ANKRD36: variants seen among roughly 807,000 people sequenced by gnomAD.
ANKRD36 encodes the protein ankyrin repeat domain 36.
In ANKRD36, 179 loss-of-function variants were observed where a neutral mutation model predicts 278.1. That is an observed-to-expected ratio of 0.64 (90% CI 0.57 to 0.73). The LOEUF is 0.73. Ranked by LOEUF, ANKRD36 falls within the 30% of genes least tolerant of loss-of-function variation. The pLI is 0.00. For missense variants in ANKRD36, 1,159 were observed against 1,956.7 expected, an observed-to-expected ratio of 0.59 and a Z score of 7.69; for synonymous variants, 320 against 641.1, an observed-to-expected ratio of 0.50 and a Z score of 7.57.
intron 22 of ANKRD36, among the ~76,000 whole-genome samples, chr2:97,172,243 C>T: frequency 6.6e-6 from 1 of 151,808 alleles, no homozygotes; most frequent in Non-Finnish European, 1.5e-5. Context: ...AAAGTTCAGG[C>T]AGTGCACTTA....
intron 28 of ANKRD36, among the ~76,000 whole-genome samples, chr2:97,184,338 CAT>C (rs1354923533): frequency 6.6e-6 from 1 of 151,600 alleles, no homozygotes; most frequent in Non-Finnish European, 1.5e-5. Context: ...AGGCATCAGA[CAT>C]ATATTTTTTT....
intron 54 of ANKRD36, among the ~76,000 whole-genome samples, chr2:97,209,271 T>C (rs1486794435): frequency 1.4e-5 from 2 of 146,486 alleles, no homozygotes; most frequent in African/African-American, 2.7e-5. Flanking sequence ...AGAATGTTTG[T>C]AGTATAATGG....
chr2:97,229,591 A>C (rs1256808287), intron 67 of ANKRD36, among the ~76,000 whole-genome samples: 6 of 152,090 alleles, frequency 3.9e-5, no homozygotes, highest in Non-Finnish European at 8.8e-5. Context: ...CTCTTTATCC[A>C]ATTTGCCAGT....
intron 54 of ANKRD36, among the ~76,000 whole-genome samples, 178 bp from the exon 55 acceptor site, chr2:97,209,503 G>A (rs1456898541): frequency 1.4e-5 from 2 of 146,104 alleles, no homozygotes; most frequent in Admixed American, 6.8e-5. Context: ...CATGGAGCCT[G>A]TGTTCCCTTT....
rs564949248 is a variant in ANKRD36, at chr2:97,227,254, A to G, written c.3951+2375A>G. Among the ~76,000 whole-genome samples, 491 of 152,230 alleles carry G rather than the reference A, an allele frequency of 3.2e-3. 3 individuals carry two copies. The highest frequency in any genetic ancestry group is 0.011 in the African/African-American group (445 of 41,564). On this transcript the variant is annotated intron_variant, in intron 67 of 75. Transcript: ENST00000420699. ...TTAACCATACTGATTCTTCCTACCC[A>G]TGAGCATGGAATGTTCTTCCATTTG...
chr2:97,135,371 T>G lies in ANKRD36; in HGVS notation c.800-7269T>G, dbSNP rs574031263. Among the ~76,000 whole-genome samples the G allele has an allele frequency of 2.6e-3, 398 of 151,966 alleles. 4 individuals are homozygous for G. Among genetic ancestry groups the G allele is most frequent in the African/African-American group, 8.9e-3 (368 of 41,494 alleles). ...TCTATAATAAAATTTAATGCATAAA[T>G]TAGGCACAATAAGAGATTAATAATA... On this transcript the variant is annotated intron_variant, in intron 6 of 75. Transcript: ENST00000420699.
intron 39 of ANKRD36, 29 bp downstream of exon 39, chr2:97,194,783 C>G (rs764390210): frequency 4.4e-5 from 71 of 1,602,800 alleles, no homozygotes; most frequent in Non-Finnish European, 5.7e-5. Flanking sequence ...ATATTGTGAG[C>G]TAGTAAACGT....
chr2:97,201,742 G>C (rs2153598201), intron 46 of ANKRD36, among the ~76,000 whole-genome samples: 2 of 152,014 alleles, frequency 1.3e-5, no homozygotes, highest in Middle Eastern at 6.8e-3. Flanking sequence ...CATCGCAATT[G>C]TGTGCCTTCT....
intron 22 of ANKRD36, among the ~76,000 whole-genome samples, chr2:97,178,150 A>T (rs2054894926): frequency 6.6e-6 from 1 of 151,008 alleles, no homozygotes. Context: ...ACCAGTTAGA[A>T]TGGCCATCAT....
In ANKRD36 at chr2:97,215,838, A is replaced by T. The variant is rs1401402589; in HGVS notation, c.3673+341A>T. On this transcript the variant is annotated intron_variant, in intron 62 of 75. Transcript: ENST00000420699. ...AGAAAGAGATGAAGTAATAGATATT[A>T]TAGGCGTCAGATCATATTGTTATAA... 4.8e-5 allele frequency: 29 copies of T among 602,366 alleles called. No homozygotes were observed. The East Asian group carries it at 9.1e-4, about 19-fold the overall frequency. 37.3% of individuals were successfully genotyped at this position (602,366 alleles called of 1,614,324 possible). A position where few individuals can be genotyped will look rare whatever the true frequency, so the allele number is the denominator to read the frequency against.
At position 97,194,989 on chromosome 2, in the gene ANKRD36, G is replaced by T. The variant is rs368486848; in HGVS notation, c.2551+72G>T. On this transcript the variant is annotated intron_variant, in intron 40 of 75. Transcript: ENST00000420699. The stretch of plus-strand genomic sequence containing the variant: ...AGTTCTCTTCCCCGAATAAATCAGT[G>T]GGGGGCTGGTCAAAGATGCACATTC... 30 of 1,519,936 alleles carry T rather than the reference G, an allele frequency of 2.0e-5. No homozygotes were observed. The African/African-American group carries it at 2.2e-4, about 11-fold the overall frequency. 94.2% of individuals were successfully genotyped at this position (1,519,936 alleles called of 1,614,324 possible).
intron 14 of ANKRD36, among the ~76,000 whole-genome samples, chr2:97,153,326 T>G (rs533068213): frequency 1.1e-4 from 16 of 152,336 alleles, no homozygotes; most frequent in Admixed American, 4.6e-4. Flanking sequence ...CTTGATTTCT[T>G]TTTACTTTCT....
chr2:97,151,766 A>G, intron 12 of ANKRD36, 113 bp from the exon 13 acceptor site: 2 of 792,448 alleles, frequency 2.5e-6, no homozygotes, highest in South Asian at 1.6e-5. Context: ...GAATCTACAT[A>G]TGAGTGATTT....
At chr2:97,200,200 A>G (rs2060955285) in intron 44 of ANKRD36, 134 bp from the exon 45 acceptor site, 1 of 1,545,330 alleles carries the variant, frequency 6.5e-7, no homozygotes, top group Admixed American at 1.9e-5. Flanking sequence ...TGATCCCCAG[A>G]CACAAAGTAG....
chr2:97,124,741 G>A (rs1289706254), intron 5 of ANKRD36, 144 bp downstream of exon 5: 3 of 989,536 alleles, frequency 3.0e-6, no homozygotes, highest in Non-Finnish European at 4.3e-6. Context: ...TTAAGTTTTC[G>A]AGAGTTGTGC....
intron 72 of ANKRD36, 144 bp downstream of exon 72, chr2:97,247,772 GCTTT>G (rs2075443834): frequency 3.5e-5 from 2 of 57,854 alleles, no homozygotes; most frequent in African/African-American, 1.4e-4. Context: ...ATAGTGGATG[GCTTT>G]CTTCTGTATT....
At chr2:97,250,488 A>AAAC (rs1197710276) in intron 75 of ANKRD36, among the ~76,000 whole-genome samples, 1 of 119,144 alleles carries the variant, frequency 8.4e-6, no homozygotes, top group East Asian at 3.2e-4. Flanking sequence ...TGTTCTCACA[A>AAAC]AACAAAGGCA....
chr2:97,187,587 T>A (rs1469212924), intron 32 of ANKRD36, among the ~76,000 whole-genome samples, 186 bp downstream of exon 32: 2 of 151,788 alleles, frequency 1.3e-5, no homozygotes, highest in Non-Finnish European at 2.9e-5. Context: ...GCTTGGAACA[T>A]GATCTTCGCA....
chr2:97,185,378 A>C, intron 29 of ANKRD36, 34 bp downstream of exon 29: 1 of 1,609,372 alleles, frequency 6.2e-7, no homozygotes, highest in Non-Finnish European at 8.5e-7. Context: ...TTGTATTAGT[A>C]ACTGTATAGT....
Sources: gnomAD v4.1 joint callset for allele counts (sites outside exome capture counted in the v4.1 genomes callset) on GRCh38, gnomAD v4.1.1 for gene constraint, MANE v1.5 for transcripts, NCBI Gene and HGNC (gene_info 2026-07-23, HGNC 2026-07-21) for gene names.